OR2C3: variants seen among roughly 807,000 people sequenced by gnomAD.
The protein encoded by OR2C3 is olfactory receptor 2C3.
For missense variants in OR2C3, 425 were observed against 401.5 expected (o/e 1.06, Z -0.50); for synonymous variants, 178 against 163.4 (o/e 1.09, Z -0.68).
Position 247,531,679 on chromosome 1 carries a change from A to G in OR2C3, c.833T>C (p.Phe278Ser). The G allele has an allele frequency of 1.2e-6, 2 of 1,614,146 alleles. No individual in the cohort carries two copies. The highest frequency in any genetic ancestry group is 3.3e-5 in the Admixed American group (2 of 60,024). Residue 278 changes from phenylalanine (F) to serine (S), a missense_variant, in exon 3 of 3, where the codon TTC (phenylalanine) becomes TCC (serine). Phe to Ser is a radical substitution (Grantham distance 155). Coordinates refer to ENST00000641802, the MANE Select transcript of OR2C3 (RefSeq NM_198074.6). The part of the protein sequence containing the change: ...SHEQGKFIAL[F>S]YTVVTPALNP... ...CAGCGCAGGAGTGACTACGGTGTAG[A>G]ACAGAGCTATGAACTTGCCCTGCTC...
rs4925558 is a variant in OR2C3, at chr1:247,531,068, G to C, written c.*481C>G. On this transcript the variant is annotated 3_prime_UTR_variant, in exon 3 of 3. Coordinates refer to ENST00000641802, the MANE Select transcript of OR2C3 (RefSeq NM_198074.6). Reference sequence around the variant, plus strand: ...CGCGGCTTCAAGGCCTGGGCCGAGCGGGGGAGCCACAGCGAGGGTTCCGGA... The same window carrying C: ...CGCGGCTTCAAGGCCTGGGCCGAGCCGGGGAGCCACAGCGAGGGTTCCGGA... The C allele has an allele frequency of 0.18, 28,174 of 158,446 alleles. 3,051 individuals are homozygous for C. The highest frequency in any genetic ancestry group is 0.45 in the East Asian group (2,393 of 5,260). The allele number at this position is 158,446 out of a possible 1,614,324, so 9.8% of individuals were successfully genotyped here.
chr1:247,524,910 A>G lies in OR2C3; in HGVS notation c.*6639T>C, dbSNP rs1287957719. ...AAAACAATTTATTGAAGAAACACAA[A>G]TAGCCCCAAAACATACCAGAAGATG... On this transcript the variant is annotated 3_prime_UTR_variant, in exon 3 of 3. Transcript: ENST00000641802. 2 of 152,224 alleles carry G rather than the reference A, an allele frequency of 1.3e-5. No homozygotes were observed. Among genetic ancestry groups the G allele is most frequent in the African/African-American group, 4.8e-5 (2 of 41,462 alleles). 9.4% of individuals were successfully genotyped at this position (152,224 alleles called of 1,614,324 possible).
Position 247,526,661 on chromosome 1 carries a change from C to T in OR2C3, c.*4888G>A, listed in dbSNP as rs1196977681. 1.2e-5 allele frequency: 4 copies of T among 325,496 alleles called. No individual in the cohort carries two copies. The highest frequency in any genetic ancestry group is 2.4e-5 in the Non-Finnish European group (4 of 167,932). 20.2% of individuals were successfully genotyped at this position (325,496 alleles called of 1,614,324 possible). A position where few individuals can be genotyped will look rare whatever the true frequency, so the allele number is the denominator to read the frequency against. ...CACAGTGTGCAGCATGGGAGGAAAC[C>T]CATACATGAAGTAGAGGGTTCACAG... is the stretch of plus-strand genomic sequence containing the variant. On this transcript the variant is annotated 3_prime_UTR_variant, in exon 3 of 3. Coordinates refer to ENST00000641802, the MANE Select transcript of OR2C3 (RefSeq NM_198074.6). This position sits in a 1 kb window ranked among gnomAD's most constrained non-coding sequence, Gnocchi z 4.8.
chr1:247,527,944 TGA>T lies in OR2C3; in HGVS notation c.*3603_*3604del, dbSNP rs1303529826. 3.9e-5 allele frequency: 6 copies of T among 152,096 alleles called. No individual in the cohort carries two copies. The highest frequency in any genetic ancestry group is 1.4e-4 in the African/African-American group (6 of 41,404). 9.4% of individuals were successfully genotyped at this position (152,096 alleles called of 1,614,324 possible). A position where few individuals can be genotyped will look rare whatever the true frequency, so the allele number is the denominator to read the frequency against. ...GTATCCTCTGTTCTACTTATTTCTATGAGATCAACCCTTTTTTAGCTTTCACA... is the reference window on the plus strand; with the variant it reads ...GTATCCTCTGTTCTACTTATTTCTATGATCAACCCTTTTTTAGCTTTCACA... On this transcript the variant is annotated 3_prime_UTR_variant, in exon 3 of 3. Coordinates refer to ENST00000641802, the MANE Select transcript of OR2C3 (RefSeq NM_198074.6). This position sits in a 1 kb window ranked among gnomAD's most constrained non-coding sequence, Gnocchi z 4.6.
rs767036972 is a variant in OR2C3, at chr1:247,532,485, A to G, written c.27T>C (p.Ser9=). The stretch of plus-strand genomic sequence containing the variant: ...AGCCCAGGAGGACAAAGACTTCTGG[A>G]GAACTCACATTGGCTATTTCCATCA... MMEIANVS[S]PEVFVLLGFS... Residue 9 remains serine (S), a synonymous_variant, in exon 3 of 3, where the codon TCT becomes TCC. Transcript: ENST00000641802. 1.2e-5 allele frequency: 20 copies of G among 1,613,954 alleles called. No homozygotes were observed. The highest frequency in any genetic ancestry group is 1.1e-4 in the East Asian group (5 of 44,884).
chr1:247,534,029 CCTT>C (rs893644836), intron 1 of OR2C3, among the ~76,000 whole-genome samples, 151 bp from the exon 2 acceptor site: 81 of 152,286 alleles, frequency 5.3e-4, no homozygotes, highest in African/African-American at 1.8e-3. Flanking sequence ...CCCTTCCTCA[CCTT>C]CTTCAGGTCA....
rs767734346 is a variant in OR2C3, at chr1:247,531,620, C to A, written c.892G>T (p.Val298Leu). The change falls in exon 3 of 3, where the codon GTG becomes TTG. Residue 298 changes from valine to leucine, a missense_variant. By Grantham distance (32) the Val-to-Leu change is conservative. Coordinates refer to ENST00000641802, the MANE Select transcript of OR2C3 (RefSeq NM_198074.6). Reference sequence around the variant, plus strand: ...ACCATGTGCCGGAGGGCGCTCTTCACCTCCGTGTTCCTCAGGGTGTAAATA... The same window carrying A: ...ACCATGTGCCGGAGGGCGCTCTTCAACTCCGTGTTCCTCAGGGTGTAAATA... ...PLIYTLRNTE[V>L]KSALRHMVLE... 6.2e-7 allele frequency: 1 copy of A among 1,614,160 alleles called. No homozygotes were observed.
rs1553302957 is a variant in OR2C3 at position 247,530,522 on chromosome 1, C to CG, written c.*1026_*1027insC. The CG allele has an allele frequency of 1.4e-5, 2 of 140,338 alleles. No individual in the cohort carries two copies. Among genetic ancestry groups the CG allele is most frequent in the Non-Finnish European group, 3.2e-5 (2 of 62,192 alleles). 8.7% of individuals were successfully genotyped at this position (140,338 alleles called of 1,614,324 possible). ...AGTCCACAAACACCATGCCATCCCC[C>CG]CCCCACAAAATAACATTTCCTATGA... is the stretch of plus-strand genomic sequence containing the variant. On this transcript the variant is annotated 3_prime_UTR_variant, in exon 3 of 3. Transcript: ENST00000641802.
rs1247554740 is a variant in OR2C3, at chr1:247,526,268, T to C, written c.*5281A>G. 1 of 152,232 alleles carries C rather than the reference T, an allele frequency of 6.6e-6. No individual in the cohort carries two copies. The highest frequency in any genetic ancestry group is 1.5e-5 in the Non-Finnish European group (1 of 68,034). 9.4% of individuals were successfully genotyped at this position (152,232 alleles called of 1,614,324 possible). A position where few individuals can be genotyped will look rare whatever the true frequency, so the allele number is the denominator to read the frequency against. On this transcript the variant is annotated 3_prime_UTR_variant, in exon 3 of 3. Coordinates refer to ENST00000641802, the MANE Select transcript of OR2C3 (RefSeq NM_198074.6). This position sits in a 1 kb window ranked among gnomAD's most constrained non-coding sequence, Gnocchi z 4.8. ...GAGAAGCTTGCCATGTTGAGGGTGA[T>C]TATAATTTTTAAAGTTTATATTTTT...
chr1:247,531,608 G>C lies in OR2C3; in HGVS notation c.904C>G (p.Leu302Val). ...CAGTTCTCTAATACCATGTGCCGGAGGGCGCTCTTCACCTCCGTGTTCCTC... is the reference window on the plus strand; with the variant it reads ...CAGTTCTCTAATACCATGTGCCGGACGGCGCTCTTCACCTCCGTGTTCCTC... ...TLRNTEVKSA[L>V]RHMVLENCCG... Residue 302 changes from leucine to valine, a missense_variant, in exon 3 of 3, where the codon CTC (leucine) becomes GTC (valine). By Grantham distance (32) the Leu-to-Val change is conservative (BLOSUM62 1). Coordinates refer to ENST00000641802, the MANE Select transcript of OR2C3 (RefSeq NM_198074.6). The C allele has an allele frequency of 2.5e-6, 4 of 1,614,148 alleles. No homozygotes were observed. The highest frequency in any genetic ancestry group is 3.4e-6 in the Non-Finnish European group (4 of 1,180,008).
Position 247,528,547 on chromosome 1 carries a change from A to G in OR2C3, c.*3002T>C, listed in dbSNP as rs1287366372. On this transcript the variant is annotated 3_prime_UTR_variant, in exon 3 of 3. Coordinates refer to ENST00000641802, the MANE Select transcript of OR2C3 (RefSeq NM_198074.6). Reference sequence around the variant, plus strand: ...AAAAGCATGGGCCAGTTTACAAATGAATCTGCATTATACACCAGCAACAGA... The same window carrying G: ...AAAAGCATGGGCCAGTTTACAAATGGATCTGCATTATACACCAGCAACAGA... 6.6e-6 allele frequency: 1 copy of G among 152,204 alleles called. No individual in the cohort carries two copies. The allele number at this position is 152,204 out of a possible 1,614,324, so 9.4% of individuals were successfully genotyped here.
chr1:247,532,284 C>A lies in OR2C3; in HGVS notation c.228G>T (p.Thr76=). The part of the protein sequence containing the change: ...NLPFLDMSFT[T]SIVPQLLANL... ...TAGCCAGGAGCTGTGGGACAATGCT[C>A]GTGGTGAAGCTCATGTCCAGGAAGG... Residue 76 remains threonine, a synonymous_variant, in exon 3 of 3, where the codon ACG becomes ACT. Coordinates refer to ENST00000641802, the MANE Select transcript of OR2C3 (RefSeq NM_198074.6). The A allele has an allele frequency of 6.2e-7, 1 of 1,614,124 alleles. No homozygotes were observed. Among genetic ancestry groups the A allele is most frequent in the Non-Finnish European group, 8.5e-7 (1 of 1,180,028 alleles).
Position 247,532,123 on chromosome 1 carries a change from G to A in OR2C3, c.389C>T (p.Pro130Leu). The A allele has an allele frequency of 1.2e-6, 2 of 1,614,064 alleles. No homozygotes were observed. Among genetic ancestry groups the A allele is most frequent in the Non-Finnish European group, 1.7e-6 (2 of 1,179,980 alleles). ...ATGCATAATGACAGTGTAATGGAGTGGCCTGCAGATGGCAGCGTAGCGGTC... is the reference window on the plus strand; with the variant it reads ...ATGCATAATGACAGTGTAATGGAGTAGCCTGCAGATGGCAGCGTAGCGGTC... ...SYDRYAAICRPLHYTVIMHPQ... is the reference protein window; with the variant it reads ...SYDRYAAICRLLHYTVIMHPQ... Residue 130 changes from proline (P) to leucine (L), a missense_variant, in exon 3 of 3, where the codon CCA becomes CTA. By Grantham distance (98) the Pro-to-Leu change is moderately conservative. Coordinates refer to ENST00000641802, the MANE Select transcript of OR2C3 (RefSeq NM_198074.6).
At chr1:247,535,039 C>T (rs745333775) in intron 1 of OR2C3, among the ~76,000 whole-genome samples, 11 of 152,026 alleles carry the variant, frequency 7.2e-5, no homozygotes, top group African/African-American at 1.7e-4. Flanking sequence ...AAGCCGGGGG[C>T]GGTGGCTCAT....
At position 247,531,936 on chromosome 1, in the gene OR2C3, A is replaced by G. The variant is rs1666985419; in HGVS notation, c.576T>C (p.Asp192=). ...MPLIMQLACV[D]TSLNEMEMYL... ...ACATCTCCATCTCATTGAGGCTGGT[A>G]TCCACACAAGCCAGTTGCATAATGA... The change falls in exon 3 of 3, where the codon GAT becomes GAC. Residue 192 remains aspartate, a synonymous_variant. Transcript: ENST00000641802. 3 of 1,614,172 alleles carry G rather than the reference A, an allele frequency of 1.9e-6. No homozygotes were observed. Among genetic ancestry groups the G allele is most frequent in the Non-Finnish European group, 2.5e-6 (3 of 1,180,010 alleles).
At chr1:247,533,337 A>T (rs1667087326) in intron 2 of OR2C3, among the ~76,000 whole-genome samples, 170 bp downstream of exon 2, 1 of 152,006 alleles carries the variant, frequency 6.6e-6, no homozygotes, top group African/African-American at 2.4e-5. Context: ...GTGGCCCCTC[A>T]TTCTTCCCCG....
In OR2C3 at chr1:247,529,109, T is replaced by C. The variant is rs1666802203; in HGVS notation, c.*2440A>G. 1 of 152,214 alleles carries C rather than the reference T, an allele frequency of 6.6e-6. No homozygotes were observed. Among genetic ancestry groups the C allele is most frequent in the Admixed American group, 6.5e-5 (1 of 15,288 alleles). 9.4% of individuals were successfully genotyped at this position (152,214 alleles called of 1,614,324 possible). A position where few individuals can be genotyped will look rare whatever the true frequency, so the allele number is the denominator to read the frequency against. ...ACTATTTCCAGGCGTCTGGCTGGACTAGTAGCATAGTGATTACTCTGGACT... is the reference window on the plus strand; with the variant it reads ...ACTATTTCCAGGCGTCTGGCTGGACCAGTAGCATAGTGATTACTCTGGACT... On this transcript the variant is annotated 3_prime_UTR_variant, in exon 3 of 3. Transcript: ENST00000641802.
In OR2C3 at chr1:247,532,287, G is replaced by A; in HGVS notation, c.225C>T (p.Thr75=). The A allele has an allele frequency of 6.2e-7, 1 of 1,614,206 alleles. No homozygotes were observed. Among genetic ancestry groups the A allele is most frequent in the Non-Finnish European group, 8.5e-7 (1 of 1,180,036 alleles). ...ANLPFLDMSF[T]TSIVPQLLAN... ...CCAGGAGCTGTGGGACAATGCTCGT[G>A]GTGAAGCTCATGTCCAGGAAGGGGA... The change falls in exon 3 of 3, where the codon ACC becomes ACT. Residue 75 remains threonine, a synonymous_variant. Coordinates refer to ENST00000641802, the MANE Select transcript of OR2C3 (RefSeq NM_198074.6).
At position 247,527,034 on chromosome 1, in the gene OR2C3, G is replaced by A. The variant is rs1158340681; in HGVS notation, c.*4515C>T. The A allele has an allele frequency of 4.4e-6, 2 of 456,590 alleles. No individual in the cohort carries two copies. The highest frequency in any genetic ancestry group is 8.8e-6 in the Non-Finnish European group (2 of 226,984). The allele number at this position is 456,590 out of a possible 1,614,324, so 28.3% of individuals were successfully genotyped here. ...TGTGGAATGCCTGGTGTTTCTTTCA[G>A]TTCTTGGATGCCAATCTGAGGTACA... On this transcript the variant is annotated 3_prime_UTR_variant, in exon 3 of 3. Transcript: ENST00000641802. This position sits in a 1 kb window ranked among gnomAD's most constrained non-coding sequence, Gnocchi z 4.6.
Sources: gnomAD v4.1 joint callset for allele counts (sites outside exome capture counted in the v4.1 genomes callset) on GRCh38, gnomAD v4.1.1 for gene constraint, Gnocchi (gnomAD v3.1) non-coding constraint, MANE v1.5 for transcripts, NCBI Gene and HGNC (gene_info 2026-07-23, HGNC 2026-07-21) for gene names.